MSR1: variants seen among roughly 807,000 people sequenced by gnomAD.
MSR1 encodes macrophage scavenger receptor 1.
MSR1 carries 53 observed loss-of-function variants against 47.2 expected under a neutral mutation model. That is an observed-to-expected ratio of 1.12 (90% confidence interval 0.90 to 1.41). The LOEUF (loss-of-function observed/expected upper bound fraction) is 1.41. MSR1 is among the 40% of genes most tolerant of loss of function. The probability of loss-of-function intolerance (pLI) is 0.00; values close to 1 mark genes in which losing one functional copy is unlikely to be tolerated. For synonymous variants in MSR1, 239 were observed against 185.6 expected (o/e 1.29, Z -2.34); for missense variants, 786 against 546.9 (o/e 1.44, Z -4.36).
chr8:16,155,252 T>G, intron 5 of MSR1, 108 bp from the exon 6 acceptor site: 2 of 773,154 alleles, frequency 2.6e-6, no homozygotes, highest in African/African-American at 1.7e-5. Flanking sequence ...CTATTTGTTG[T>G]GCAATAATAT....
At chr8:16,121,883 G>C (rs12114791) in intron 8 of MSR1, among the ~76,000 whole-genome samples, 2 of 151,450 alleles carry the variant, frequency 1.3e-5, no homozygotes, top group Non-Finnish European at 2.9e-5. Context: ...TTGTTAGAAC[G>C]GTAATCTAAT....
At chr8:16,123,765 C>G (rs117991545) in intron 8 of MSR1, among the ~76,000 whole-genome samples, 3,647 of 152,004 alleles carry the variant, frequency 0.024, 83 homozygotes, top group Middle Eastern at 0.082. Flanking sequence ...AAACCAAAAC[C>G]AAAATAATAA....
intron 8 of MSR1, among the ~76,000 whole-genome samples, chr8:16,130,672 CCTT>C (rs1489928568): frequency 6.6e-6 from 1 of 151,962 alleles, no homozygotes; most frequent in Admixed American, 6.6e-5. Flanking sequence ...TCTGTTGTTC[CCTT>C]CTTTGTGTCC....
chr8:16,188,346 A>G (rs1260309935), intron 1 of MSR1, among the ~76,000 whole-genome samples: 1 of 152,028 alleles, frequency 6.6e-6, no homozygotes, highest in Admixed American at 6.6e-5. Context: ...AAGGAAAAAA[A>G]CCCTTAATTT....
At chr8:16,189,187 T>C (rs901833534) in intron 1 of MSR1, among the ~76,000 whole-genome samples, 2 of 143,348 alleles carry the variant, frequency 1.4e-5, no homozygotes, top group African/African-American at 2.5e-5. Flanking sequence ...ATTTCATATA[T>C]ACGTAAAACC....
chr8:16,112,612 A>T (rs1026008495), intron 9 of MSR1, among the ~76,000 whole-genome samples: 1 of 152,120 alleles, frequency 6.6e-6, no homozygotes, highest in African/African-American at 2.4e-5. Context: ...GATAGTATAA[A>T]ATTCATAAAA....
intron 1 of MSR1, among the ~76,000 whole-genome samples, chr8:16,183,573 TTA>T (rs1272750685): frequency 2.1e-5 from 3 of 144,322 alleles, no homozygotes; most frequent in East Asian, 2.0e-4. Flanking sequence ...ATAATTTATA[TTA>T]TGTTAATATA....
intron 9 of MSR1, among the ~76,000 whole-genome samples, chr8:16,115,269 GATAA>G (rs1353619704): frequency 6.6e-6 from 1 of 152,148 alleles, no homozygotes; most frequent in Non-Finnish European, 1.5e-5. Context: ...CTAAGAGAAG[GATAA>G]ATAATTAAAA....
At chr8:16,174,544 G>T (rs1176125726) in intron 3 of MSR1, among the ~76,000 whole-genome samples, 1 of 152,058 alleles carries the variant, frequency 6.6e-6, no homozygotes, top group Non-Finnish European at 1.5e-5. Context: ...ATATACCTCA[G>T]GAACATCATT....
intron 8 of MSR1, among the ~76,000 whole-genome samples, chr8:16,137,281 A>C (rs1236218570): frequency 6.6e-6 from 1 of 152,106 alleles, no homozygotes; most frequent in African/African-American, 2.4e-5. Flanking sequence ...AGTAGTTATG[A>C]AGGTGGAAAC....
chr8:16,161,325 G>C (rs1801157231), intron 5 of MSR1, among the ~76,000 whole-genome samples: 1 of 152,000 alleles, frequency 6.6e-6, no homozygotes, highest in East Asian at 1.9e-4. Flanking sequence ...AAACGCAACA[G>C]ATTTGGGGAG....
At chr8:16,172,668 T>C (rs1801519447) in intron 3 of MSR1, among the ~76,000 whole-genome samples, 1 of 152,118 alleles carries the variant, frequency 6.6e-6, no homozygotes, top group South Asian at 2.1e-4. Flanking sequence ...AGTATTTCAG[T>C]AACAATTTAT....
chr8:16,189,330 C>CAT (rs1298640256), intron 1 of MSR1, among the ~76,000 whole-genome samples: 1 of 87,336 alleles, frequency 1.1e-5, no homozygotes, highest in East Asian at 3.0e-4. Flanking sequence ...ATTTACATTT[C>CAT]ATATATATAT....
intron 3 of MSR1, among the ~76,000 whole-genome samples, chr8:16,172,690 T>C (rs554501353): frequency 9.9e-5 from 15 of 152,220 alleles, no homozygotes; most frequent in African/African-American, 3.4e-4. Flanking sequence ...TATATATACA[T>C]AAATTCTTGA....
At chr8:16,146,703 G>T (rs778230976) in intron 7 of MSR1, among the ~76,000 whole-genome samples, 5 of 151,932 alleles carry the variant, frequency 3.3e-5, no homozygotes, top group Non-Finnish European at 5.9e-5. Flanking sequence ...TTGCTACTTT[G>T]TTCATCTCAG....
At chr8:16,171,175 G>C (rs1479531221) in intron 3 of MSR1, among the ~76,000 whole-genome samples, 2 of 134,770 alleles carry the variant, frequency 1.5e-5, no homozygotes, top group Admixed American at 1.7e-4. Flanking sequence ...AGTGTGCCGA[G>C]ATTGTGCCAC....
intron 8 of MSR1, among the ~76,000 whole-genome samples, chr8:16,131,132 G>A (rs545864262): frequency 1.3e-5 from 2 of 152,050 alleles, no homozygotes; most frequent in East Asian, 1.9e-4. Flanking sequence ...CCACGAACTC[G>A]TCACCACAGC....
At chr8:16,180,648 A>G (rs992439451) in intron 1 of MSR1, among the ~76,000 whole-genome samples, 1 of 152,186 alleles carries the variant, frequency 6.6e-6, no homozygotes, top group Admixed American at 6.5e-5. Flanking sequence ...TAGGACAGCA[A>G]AGTCAAATCC....
chr8:16,175,272 C>G lies in MSR1; in HGVS notation c.132G>C (p.Glu44Asp), dbSNP rs1298154048. ...PNPKNSPSLQ[E>D]KLKSFKAALI... ...GTGCAGCTTTGAAGGACTTCAGTTT[C>G]TCTTGAAGGGAAGGGCTGTTTTTAG... Residue 44 changes from glutamate to aspartate, a missense_variant, in exon 3 of 10, where the codon GAG (glutamate) becomes GAC (aspartate). Physicochemically the swap from Glu to Asp is conservative, Grantham distance 45. Transcript: ENST00000262101. 1.9e-6 allele frequency: 3 copies of G among 1,614,064 alleles called. No individual in the cohort carries two copies. Among genetic ancestry groups the G allele is most frequent in the Non-Finnish European group, 2.5e-6 (3 of 1,179,972 alleles).
Sources: gnomAD v4.1 joint callset for allele counts (sites outside exome capture counted in the v4.1 genomes callset) on GRCh38, gnomAD v4.1.1 for gene constraint, MANE v1.5 for transcripts, NCBI Gene and HGNC (gene_info 2026-07-23, HGNC 2026-07-21) for gene names.